Variants in LRRC49 observed in about 807,000 individuals in gnomAD.
LRRC49 encodes leucine rich repeat containing 49, also known as leucine-rich repeat-containing protein 49.
In LRRC49, 50 loss-of-function variants were observed where a neutral mutation model predicts 83.3. The ratio of observed to expected loss-of-function variants is 0.60; its 90% CI spans 0.48 to 0.76. LRRC49 has a LOEUF of 0.76. Ranked by LOEUF, LRRC49 falls within the 30% of genes least tolerant of loss-of-function variation. The pLI, the probability that LRRC49 is intolerant of heterozygous loss-of-function variation, is 0.00. For synonymous variants in LRRC49, 286 were observed against 283.3 expected (o/e 1.01, Z -0.10); for missense variants, 704 against 809.1 (o/e 0.87, Z 1.58).
intron 7 of LRRC49, among the ~76,000 whole-genome samples, chr15:70,930,138 G>C (rs1291029667): frequency 6.6e-6 from 1 of 152,106 alleles, no homozygotes; most frequent in African/African-American, 2.4e-5. Flanking sequence ...CACTATTTAA[G>C]GCAGCTAAAG....
Position 71,052,769 on chromosome 15 carries a change from G to C in LRRC49, c.*3157G>C, listed in dbSNP as rs769236756. The C allele has an allele frequency of 6.6e-6, 1 of 152,092 alleles. No homozygotes were observed. Among genetic ancestry groups the C allele is most frequent in the Non-Finnish European group, 1.5e-5 (1 of 68,016 alleles). The allele number at this position is 152,092 out of a possible 1,614,324, so 9.4% of individuals were successfully genotyped here. A position where few individuals can be genotyped will look rare whatever the true frequency, so the allele number is the denominator to read the frequency against. On this transcript the variant is annotated 3_prime_UTR_variant, in exon 16 of 16. Coordinates refer to ENST00000260382, the MANE Select transcript of LRRC49 (RefSeq NM_017691.5). ...AGGCATAGAGAGGATGAAAAAAAAC[G>C]TAACTAAGGGTATTTCAACCAATAA...
intron 14 of LRRC49, 126 bp from the exon 15 acceptor site, chr15:71,037,052 TA>T: frequency 1.7e-6 from 1 of 594,498 alleles, no homozygotes; most frequent in Non-Finnish European, 2.8e-6. Flanking sequence ...AAATAAATCA[TA>T]AACTCAAACT....
At chr15:70,877,413 T>G (rs1440120529) in intron 2 of LRRC49, among the ~76,000 whole-genome samples, 1 of 152,248 alleles carries the variant, frequency 6.6e-6, no homozygotes, top group African/African-American at 2.4e-5. Context: ...ATAGATTTTT[T>G]TCTTTTCTAG....
At chr15:70,930,042 A>G (rs1395456293) in intron 7 of LRRC49, among the ~76,000 whole-genome samples, 1 of 152,164 alleles carries the variant, frequency 6.6e-6, no homozygotes, top group East Asian at 1.9e-4. Flanking sequence ...CCTCCCATGA[A>G]TCATGAATGT....
At chr15:70,974,068 G>A (rs551392244) in intron 9 of LRRC49, among the ~76,000 whole-genome samples, 35 of 151,980 alleles carry the variant, frequency 2.3e-4, no homozygotes, top group African/African-American at 5.1e-4. Flanking sequence ...TGGAGGTTGC[G>A]GTGAGCCGAG....
At chr15:70,903,135 A>G (rs1029733859) in intron 4 of LRRC49, among the ~76,000 whole-genome samples, 1 of 152,170 alleles carries the variant, frequency 6.6e-6, no homozygotes, top group African/African-American at 2.4e-5. Flanking sequence ...AACTAAGAGA[A>G]AAAGAAAAAG....
In LRRC49 at chr15:70,900,473, A is replaced by C. The variant is rs2034023822; in HGVS notation, c.194-449A>C. 6.6e-6 allele frequency: 3 copies of C among 456,604 alleles called. No homozygotes were observed. The Admixed American group carries it at 7.0e-5, about 11-fold the overall frequency. The allele number at this position is 456,604 out of a possible 1,614,324, so 28.3% of individuals were successfully genotyped here. ...ATGTGACAGAACTATATGGGCTGGA[A>C]ATGAAAACTGCCACGAGGTCCTTAT... is the stretch of plus-strand genomic sequence containing the variant. On this transcript the variant is annotated intron_variant, in intron 3 of 15. Transcript: ENST00000260382.
At chr15:70,944,300 G>A in intron 8 of LRRC49, among the ~76,000 whole-genome samples, 1 of 152,202 alleles carries the variant, frequency 6.6e-6, no homozygotes, top group East Asian at 1.9e-4. Flanking sequence ...AAAAGTCAAA[G>A]GTGTTTTGGC....
At chr15:70,916,758 C>T (rs886805299) in intron 6 of LRRC49, among the ~76,000 whole-genome samples, 3 of 152,104 alleles carry the variant, frequency 2.0e-5, no homozygotes, top group African/African-American at 2.4e-5. Context: ...GGGAGCTCCC[C>T]GGGTGCTGCT....
At chr15:70,940,825 A>G (rs1019673772) in intron 8 of LRRC49, among the ~76,000 whole-genome samples, 4 of 152,212 alleles carry the variant, frequency 2.6e-5, no homozygotes, top group African/African-American at 9.6e-5. Flanking sequence ...TTTAAATTTG[A>G]GAAATGAGTA....
chr15:71,033,357 A>G (rs1042818666), intron 14 of LRRC49, among the ~76,000 whole-genome samples: 7 of 152,200 alleles, frequency 4.6e-5, no homozygotes, highest in Non-Finnish European at 2.9e-5. Context: ...TTCAAGAAGA[A>G]CTACAAATCA....
chr15:70,877,531 GTTTT>G (rs2033176619), intron 2 of LRRC49, among the ~76,000 whole-genome samples: 1 of 151,960 alleles, frequency 6.6e-6, no homozygotes, highest in African/African-American at 2.4e-5. Flanking sequence ...GTATATGTTT[GTTTT>G]ATTTCTAAGA....
At chr15:70,996,942 A>C (rs891150516) in intron 11 of LRRC49, among the ~76,000 whole-genome samples, 2 of 152,198 alleles carry the variant, frequency 1.3e-5, no homozygotes, top group African/African-American at 4.8e-5. Context: ...ATCTTTTTAG[A>C]TTGATTGAGA....
chr15:70,871,409 C>T (rs533466656), intron 1 of LRRC49, among the ~76,000 whole-genome samples: 4 of 152,350 alleles, frequency 2.6e-5, no homozygotes, highest in East Asian at 1.9e-4. Flanking sequence ...CATTTCCCCC[C>T]TCTCTACTCG....
chr15:70,994,098 C>T (rs776074776), intron 11 of LRRC49, among the ~76,000 whole-genome samples: 5 of 152,116 alleles, frequency 3.3e-5, no homozygotes, highest in Non-Finnish European at 5.9e-5. Context: ...CCTCCTGCCT[C>T]GGCTTCCCAA....
At chr15:70,992,445 A>G (rs558415749) in intron 11 of LRRC49, among the ~76,000 whole-genome samples, 1 of 152,260 alleles carries the variant, frequency 6.6e-6, no homozygotes, top group Admixed American at 6.5e-5. Flanking sequence ...GGTTTTATCC[A>G]ACTTTGGTCT....
intron 11 of LRRC49, among the ~76,000 whole-genome samples, chr15:70,988,056 C>G (rs1380837344): frequency 4.6e-5 from 7 of 151,394 alleles, no homozygotes; most frequent in East Asian, 1.9e-4. Flanking sequence ...TTACTTCCAA[C>G]TATGTGGTCA....
At chr15:70,857,750 A>G (rs551004472) in intron 1 of LRRC49, among the ~76,000 whole-genome samples, 21 of 152,338 alleles carry the variant, frequency 1.4e-4, no homozygotes, top group Non-Finnish European at 2.6e-4. Flanking sequence ...AGCCAGTGAA[A>G]ACATCCCCAA....
chr15:71,040,313 C>G (rs1302738530), intron 15 of LRRC49, among the ~76,000 whole-genome samples: 1 of 152,094 alleles, frequency 6.6e-6, no homozygotes, highest in Non-Finnish European at 1.5e-5. Flanking sequence ...ACTAAGGTGG[C>G]CTCTGTGATC....
Sources: gnomAD v4.1 joint callset for allele counts (sites outside exome capture counted in the v4.1 genomes callset) on GRCh38, gnomAD v4.1.1 for gene constraint, MANE v1.5 for transcripts, NCBI Gene and HGNC (gene_info 2026-07-23, HGNC 2026-07-21) for gene names.